TTN: variants seen among roughly 807,000 people sequenced by gnomAD.
TTN encodes the protein connectin.
Under a neutral mutation model 3,223.0 loss-of-function variants are expected in TTN, and 1,525 were observed. The ratio of observed to expected loss-of-function variants is 0.47; its 90% confidence interval spans 0.45 to 0.49. The LOEUF (loss-of-function observed/expected upper bound fraction) is 0.49, where lower values mean the gene tolerates loss of function less well. Among genes scored for constraint, TTN ranks in the 20% least tolerant of loss-of-function variants. TTN has a pLI of 0.00. For synonymous variants in TTN, 14,094 were observed against 15,161.0 expected, an observed-to-expected ratio of 0.93 and a Z score of 5.17; for missense variants, 40,786 against 43,424.0, an observed-to-expected ratio of 0.94 and a Z score of 5.40.
intron 212 of TTN, 58 bp from the exon 213 acceptor site, chr2:178,649,389 A>T: frequency 1.5e-6 from 2 of 1,343,252 alleles, no homozygotes; most frequent in Non-Finnish European, 2.0e-6. Flanking sequence ...TAAAATATTA[A>T]GAATAAAAAA....
Position 178,571,577 on chromosome 2 carries a change from G to T in TTN, c.74555C>A (p.Ser24852Tyr), listed in dbSNP as rs375466935. Residue 24852 changes from serine (S) to tyrosine (Y), a missense_variant, in exon 326 of 363, where the codon TCC (serine) becomes TAC (tyrosine). Coordinates refer to ENST00000589042, the MANE Select transcript of TTN (RefSeq NM_001267550.2). ...NNYIVEKRDT[S>Y]TTTWQIVSAT... Reference sequence around the variant, plus strand: ...TGATACAATTTGCCAGGTGGTTGTGGAAGTGTCCCGTTTCTCAACAATGTA... The same window carrying T: ...TGATACAATTTGCCAGGTGGTTGTGTAAGTGTCCCGTTTCTCAACAATGTA... 3 of 1,613,060 alleles carry T rather than the reference G, an allele frequency of 1.9e-6. No homozygotes were observed. The highest frequency in any genetic ancestry group is 2.7e-5 in the African/African-American group (2 of 74,874).
In TTN at chr2:178,572,639, A is replaced by G. The variant is rs999356680; in HGVS notation, c.73493T>C (p.Ile24498Thr). 3.7e-6 allele frequency: 6 copies of G among 1,613,150 alleles called. No homozygotes were observed. The highest frequency in any genetic ancestry group is 3.3e-5 in the South Asian group (3 of 91,038). ...NVNRFDSGKYILTVENSSGSK... is the reference protein window; with the variant it reads ...NVNRFDSGKYTLTVENSSGSK... ...GCCTGAACTATTTTCTACAGTTAGT[A>G]TATATTTGCCACTGTCAAATCTGTT... is the stretch of plus-strand genomic sequence containing the variant. The change falls in exon 326 of 363, where the codon ATA becomes ACA. Residue 24498 changes from isoleucine to threonine, a missense_variant. Ile to Thr is a moderately conservative substitution (Grantham distance 89). Coordinates refer to ENST00000589042, the MANE Select transcript of TTN (RefSeq NM_001267550.2).
At chr2:178,766,327 G>T in intron 41 of TTN, 54 bp downstream of exon 41, 2 of 1,366,030 alleles carry the variant, frequency 1.5e-6, no homozygotes, top group Non-Finnish European at 2.1e-6. Context: ...GACTTAAACA[G>T]GAGGATTATT....
Position 178,569,089 on chromosome 2 carries a change from A to G in TTN, c.77043T>C (p.Tyr25681=), listed in dbSNP as rs370810609. ...CAGTCTGGGCAGGAAGGCCAATACCATACTCATTCTCAGCTGTGACTCTAA... is the reference window on the plus strand; with the variant it reads ...CAGTCTGGGCAGGAAGGCCAATACCGTACTCATTCTCAGCTGTGACTCTAA... ...YYFRVTAENE[Y]GIGLPAQTAD... is the part of the protein sequence containing the mutation. Residue 25681 remains tyrosine (Y), a synonymous_variant, in exon 326 of 363, where the codon TAT becomes TAC. Coordinates refer to ENST00000589042, the MANE Select transcript of TTN (RefSeq NM_001267550.2). 1.9e-5 allele frequency: 31 copies of G among 1,613,424 alleles called. No individual in the cohort carries two copies. The African/African-American group carries it at 3.7e-4, about 19-fold the overall frequency.
chr2:178,681,552 A>C, intron 136 of TTN, 102 bp from the exon 137 acceptor site: 2 of 1,454,992 alleles, frequency 1.4e-6, no homozygotes, highest in Admixed American at 4.2e-5. Context: ...TAATATTCCC[A>C]AACACACACA....
chr2:178,740,771 A>T lies in TTN; in HGVS notation c.12462T>A (p.Ile4154=). Reference sequence around the variant, plus strand: ...TGGAGAAGGTTTTCTGGGACTGTACAATCTGCAGCTGTAGGTTGGGAGATG... The same window carrying T: ...TGGAGAAGGTTTTCTGGGACTGTACTATCTGCAGCTGTAGGTTGGGAGATG... ...KEPSPNLQLQ[I]VQSQKTFSKE... The change falls in exon 48 of 363, where the codon ATT becomes ATA. Residue 4154 remains isoleucine (I), a synonymous_variant. Transcript: ENST00000589042. 6.2e-7 allele frequency: 1 copy of T among 1,613,624 alleles called. No homozygotes were observed. Among genetic ancestry groups the T allele is most frequent in the Non-Finnish European group, 8.5e-7 (1 of 1,179,734 alleles).
chr2:178,705,069 T>A, intron 103 of TTN, 103 bp from the exon 104 acceptor site: 11 of 1,572,528 alleles, frequency 7.0e-6, no homozygotes, highest in Non-Finnish European at 9.5e-6. Flanking sequence ...TTAGGTCATA[T>A]TAAATGACGT....
rs1561432449 is a variant in TTN, at chr2:178,790,741, T to C, written c.1767A>G (p.Thr589=). 6.2e-7 allele frequency: 1 copy of C among 1,614,172 alleles called. No individual in the cohort carries two copies. The highest frequency in any genetic ancestry group is 8.5e-7 in the Non-Finnish European group (1 of 1,180,000). ...AACTTAGGTGCATTTGATCTTGTTG[T>C]GTGGTAGTTTCTTCTTGAGCTCCCG... ...TVPGAQEETT[T]QQDQMHLSYE... Residue 589 remains threonine, a synonymous_variant, in exon 11 of 363, where the codon ACA becomes ACG. Coordinates refer to ENST00000589042, the MANE Select transcript of TTN (RefSeq NM_001267550.2).
At chr2:178,781,967 T>C (rs112875269) in intron 20 of TTN, among the ~76,000 whole-genome samples, 161 of 152,184 alleles carry the variant, frequency 1.1e-3, no homozygotes, top group Non-Finnish European at 2.0e-3. Flanking sequence ...TTCTCTACTT[T>C]CACAAACTCA....
Position 178,532,127 on chromosome 2 carries a change from A to T in TTN, c.104488T>A (p.Ser34830Thr). 6.2e-7 allele frequency: 1 copy of T among 1,613,972 alleles called. No homozygotes were observed. Among genetic ancestry groups the T allele is most frequent in the Non-Finnish European group, 8.5e-7 (1 of 1,179,858 alleles). Residue 34830 changes from serine to threonine, a missense_variant, in exon 358 of 363, where the codon TCC becomes ACC. Physicochemically the swap from Ser to Thr is moderately conservative, Grantham distance 58 (BLOSUM62 1). Coordinates refer to ENST00000589042, the MANE Select transcript of TTN (RefSeq NM_001267550.2). Reference protein sequence around the residue: ...EISKHAQRESSSSASRLLRRR... With the variant: ...EISKHAQRESTSSASRLLRRR... ...CTCAGTAGTCTAGACGCAGATGAGG[A>T]TGATTCTCTTTGAGCATGTTTTGAG... is the stretch of plus-strand genomic sequence containing the variant.
At position 178,699,383 on chromosome 2, in the gene TTN, C is replaced by CTTTTTTTTTTTTTTTTTTT. The variant is rs59989386; in HGVS notation, c.30683-488_30683-470dup. On this transcript the variant is annotated intron_variant, in intron 111 of 362. Coordinates refer to ENST00000589042, the MANE Select transcript of TTN (RefSeq NM_001267550.2). ...TTTGTATTCATGAATAAATAACACT[C>CTTTTTTTTTTTTTTTTTTT]TTTTTTTTTTTTTTTTTTTTTTTTT... Among the ~76,000 whole-genome samples the CTTTTTTTTTTTTTTTTTTT allele has an allele frequency of 8.9e-5, 4 of 44,912 alleles. 1 individual carries two copies. The highest frequency in any genetic ancestry group is 1.7e-4 in the Non-Finnish European group (4 of 22,892). The allele number at this position is 44,912 out of a possible 152,430, so 29.5% of individuals were successfully genotyped here.
chr2:178,547,911 T>C lies in TTN; in HGVS notation c.93715A>G (p.Ile31239Val). 1.2e-6 allele frequency: 2 copies of C among 1,613,860 alleles called. No individual in the cohort carries two copies. The highest frequency in any genetic ancestry group is 1.7e-6 in the Non-Finnish European group (2 of 1,179,820). ...AGSPFTIDVPISGRPAPKVTW... is the reference protein window; with the variant it reads ...AGSPFTIDVPVSGRPAPKVTW... ...ACTTTGGGGGCAGGACGACCACTGA[T>C]TGGTACGTCAATGGTAAATGGGCTT... Residue 31239 changes from isoleucine to valine, a missense_variant, in exon 339 of 363, where the codon ATC (isoleucine) becomes GTC (valine). By Grantham distance (29) the Ile-to-Val change is conservative (BLOSUM62 3). Transcript: ENST00000589042.
chr2:178,773,235 T>G lies in TTN; in HGVS notation c.7729A>C (p.Lys2577Gln). 6.2e-7 allele frequency: 1 copy of G among 1,613,892 alleles called. No homozygotes were observed. The highest frequency in any genetic ancestry group is 1.1e-5 in the South Asian group (1 of 91,062). The change falls in exon 33 of 363, where the codon AAA becomes CAA. Residue 2577 changes from lysine to glutamine, a missense_variant. Transcript: ENST00000589042. ...TTTCCATGTGCTTCAATTTTATATT[T>G]AGAACTGGGCTTGATTTCCTTGTCC... ...FKDKEIKPSSKYKIEAHGKIY... is the reference protein window; with the variant it reads ...FKDKEIKPSSQYKIEAHGKIY...
intron 3 of TTN, among the ~76,000 whole-genome samples, chr2:178,801,276 T>G (rs1393644320): frequency 6.6e-6 from 1 of 152,182 alleles, no homozygotes; most frequent in Non-Finnish European, 1.5e-5. Flanking sequence ...ATTTTTTTGG[T>G]TATGTTGAAG....
rs372521529 is a variant in TTN, at chr2:178,530,739, C to T, written c.105876G>A (p.Leu35292=). Residue 35292 remains leucine (L), a synonymous_variant, in exon 358 of 363, where the codon CTG becomes CTA. Transcript: ENST00000589042. Reference sequence around the variant, plus strand: ...CAATCTCTTTAGAAGCTTCTGCTTTCAGGAACTGAGTAATCTTTGGTGGGG... The same window carrying T: ...CAATCTCTTTAGAAGCTTCTGCTTTTAGGAACTGAGTAATCTTTGGTGGGG... ...VSAPPKITQF[L]KAEASKEIAK... The T allele has an allele frequency of 1.2e-4, 188 of 1,613,920 alleles. No homozygotes were observed. Among genetic ancestry groups the T allele is most frequent in the Non-Finnish European group, 1.4e-4 (169 of 1,179,862 alleles).
At chr2:178,737,156 G>A (rs1378181210) in intron 49 of TTN, among the ~76,000 whole-genome samples, 2 of 152,028 alleles carry the variant, frequency 1.3e-5, no homozygotes, top group Non-Finnish European at 2.9e-5. Context: ...AAAGAAGGTA[G>A]GAAGAAAGGA....
intron 250 of TTN, 112 bp from the exon 251 acceptor site, chr2:178,618,965 T>C: frequency 1.4e-6 from 2 of 1,403,204 alleles, no homozygotes. Flanking sequence ...GGAAGTAAGC[T>C]ACAGTAACTT....
Position 178,547,744 on chromosome 2 carries a change from A to C in TTN, c.93882T>G (p.Ala31294=). ...CTGTGACGCTAAATGTTTTAACACC[A>C]GCTGTATTTTCCAGGGTCAAGAAGT... is the stretch of plus-strand genomic sequence containing the variant. ...GRYFLTLENT[A]GVKTFSVTVV... The change falls in exon 339 of 363, where the codon GCT becomes GCG. Residue 31294 remains alanine, a synonymous_variant. Transcript: ENST00000589042. 1.2e-6 allele frequency: 2 copies of C among 1,613,588 alleles called. No individual in the cohort carries two copies. The highest frequency in any genetic ancestry group is 1.7e-6 in the Non-Finnish European group (2 of 1,179,828).
Position 178,633,335 on chromosome 2 carries a change from A to G in TTN, c.42947-9T>C. 1.2e-6 allele frequency: 2 copies of G among 1,612,974 alleles called. No homozygotes were observed. Among genetic ancestry groups the G allele is most frequent in the Non-Finnish European group, 1.7e-6 (2 of 1,179,452 alleles). On this transcript the variant is annotated splice_polypyrimidine_tract_variant and intron_variant, in intron 232 of 362. Transcript: ENST00000589042. ...CACTTTTATTAGTCGAGCTGAAATG[A>G]TACAGTTTTGTTAGCATGACTGAAC...
Sources: allele counts gnomAD v4.1 joint callset (sites outside exome capture counted in the v4.1 genomes callset), GRCh38; gene constraint gnomAD v4.1.1; transcripts MANE v1.5; gene names NCBI Gene and HGNC (gene_info 2026-07-23, HGNC 2026-07-21).